The following GARIN2 variants were observed in gnomAD, a reference collection of about 807,000 sequenced individuals.
The protein encoded by GARIN2 is Golgi-associated RAB2 interactor protein 2.
chr14:67,204,808 T>C, the GARIN2 span: 25 of 1,613,948 alleles, frequency 1.5e-5, no homozygotes, highest in Admixed American at 1.2e-4. Context: ...TGTCACCACG[T>C]TCACAGCCAT....
At chr14:67,223,737 CT>C in the GARIN2 span, 1 of 984,128 alleles carries the variant, frequency 1.0e-6, no homozygotes, top group Non-Finnish European at 1.2e-6. Flanking sequence ...TGTTTTCCCA[CT>C]TTTTTCTTAC....
the GARIN2 span, among the ~76,000 whole-genome samples, chr14:67,219,905 A>G: frequency 2.0e-5 from 3 of 152,312 alleles, 1 homozygote; most frequent in South Asian, 6.2e-4. Flanking sequence ...ATTTCTTTTT[A>G]TTGCCTATTT....
the GARIN2 span, among the ~76,000 whole-genome samples, chr14:67,212,896 C>T: frequency 2.7e-5 from 4 of 147,714 alleles, no homozygotes; most frequent in Non-Finnish European, 4.4e-5. Context: ...GATACAAGTG[C>T]CAAGACATTC....
the GARIN2 span, among the ~76,000 whole-genome samples, chr14:67,194,701 C>T: frequency 1.3e-5 from 2 of 152,144 alleles, no homozygotes; most frequent in Non-Finnish European, 2.9e-5. Flanking sequence ...TGGGGTTTCA[C>T]CTTGTTGGTC....
chr14:67,199,506 T>A, the GARIN2 span: 4 of 1,613,070 alleles, frequency 2.5e-6, no homozygotes, highest in Admixed American at 6.7e-5. Context: ...TTTATTAATT[T>A]TGCTTCATTT....
At chr14:67,205,024 A>G in the GARIN2 span, 11 of 1,553,566 alleles carry the variant, frequency 7.1e-6, no homozygotes, top group Admixed American at 2.0e-5. Context: ...TGATATTACA[A>G]ACTGCTCGGG....
chr14:67,201,556 A>G, the GARIN2 span: 8 of 455,414 alleles, frequency 1.8e-5, no homozygotes, highest in Non-Finnish European at 3.5e-5. Flanking sequence ...GGGTTGGAGG[A>G]TACCTCCTGT....
At chr14:67,202,751 C>A in the GARIN2 span, among the ~76,000 whole-genome samples, 1 of 152,194 alleles carries the variant, frequency 6.6e-6, no homozygotes, top group African/African-American at 2.4e-5. Context: ...CTAACTGTTA[C>A]CAGAACATCA....
At chr14:67,203,338 C>A in the GARIN2 span, 1 of 1,454,562 alleles carries the variant, frequency 6.9e-7, no homozygotes, top group South Asian at 1.3e-5. Context: ...AGAAGATGTG[C>A]ATTAGCCCTG....
At chr14:67,212,226 G>T in the GARIN2 span, among the ~76,000 whole-genome samples, 23,887 of 151,990 alleles carry the variant, frequency 0.16, 3,540 homozygotes, top group East Asian at 0.42. Flanking sequence ...CTCAGTAAAT[G>T]ATCATTATTG....
At chr14:67,194,172 G>A in the GARIN2 span, among the ~76,000 whole-genome samples, 1 of 151,836 alleles carries the variant, frequency 6.6e-6, no homozygotes, top group Non-Finnish European at 1.5e-5. Context: ...AGACCAGCCT[G>A]GGCAACATGG....
the GARIN2 span, chr14:67,199,507 T>C: frequency 1.2e-6 from 2 of 1,613,074 alleles, no homozygotes; most frequent in Non-Finnish European, 8.5e-7. Context: ...TTATTAATTT[T>C]GCTTCATTTG....
the GARIN2 span, among the ~76,000 whole-genome samples, chr14:67,214,536 G>A: frequency 2.0e-5 from 3 of 152,060 alleles, no homozygotes; most frequent in African/African-American, 4.8e-5. Flanking sequence ...TCTCTGTTTT[G>A]GTACCAGTAC....
the GARIN2 span, chr14:67,200,175 T>C: frequency 7.2e-5 from 83 of 1,156,610 alleles, no homozygotes; most frequent in Non-Finnish European, 1.0e-4. Context: ...CTCCACATGG[T>C]ATGCGTGGAC....
chr14:67,221,999 G>T, the GARIN2 span: 1 of 637,694 alleles, frequency 1.6e-6, no homozygotes, highest in Non-Finnish European at 2.5e-6. Context: ...CGATCCTCAG[G>T]CTATCTTTCA....
At chr14:67,208,333 A>G in the GARIN2 span, 13 of 1,614,034 alleles carry the variant, frequency 8.1e-6, no homozygotes, top group African/African-American at 8.0e-5. Flanking sequence ...GATATTTTCA[A>G]ACTACCTTGA....
the GARIN2 span, among the ~76,000 whole-genome samples, chr14:67,206,536 A>G: frequency 1.3e-5 from 2 of 152,186 alleles, no homozygotes; most frequent in African/African-American, 4.8e-5. Context: ...ATTTTTAATT[A>G]GGAAAAATTC....
the GARIN2 span, chr14:67,198,397 G>A: frequency 7.2e-7 from 1 of 1,390,004 alleles, no homozygotes; most frequent in Non-Finnish European, 1.0e-6. Context: ...AAGGATGGTA[G>A]GAGAATTGTT....
At chr14:67,196,223 C>CTTTTTTTTTT in the GARIN2 span, among the ~76,000 whole-genome samples, 857 of 142,970 alleles carry the variant, frequency 6.0e-3, 4 homozygotes, top group Middle Eastern at 0.011. Context: ...TTCTTTCTTT[C>CTTTTTTTTTT]TTTTTTTTTT....
Sources: allele counts gnomAD v4.1 joint callset (sites outside exome capture counted in the v4.1 genomes callset), GRCh38; gene constraint gnomAD v4.1.1; transcripts MANE v1.5; gene names NCBI Gene and HGNC (gene_info 2026-07-23, HGNC 2026-07-21).